The following GALNT2 variants were observed in gnomAD, a reference collection of about 807,000 sequenced individuals.
GALNT2 encodes the protein polypeptide N-acetylgalactosaminyltransferase 2.
A neutral mutation model predicts 81.4 loss-of-function variants in GALNT2; 31 were observed. That is an observed-to-expected ratio of 0.38 (90% CI 0.29 to 0.51). The LOEUF is 0.51. Ranked by LOEUF, GALNT2 falls within the 20% of genes least tolerant of loss-of-function variation. GALNT2 has a pLI of 0.87. For missense variants in GALNT2, 629 were observed against 765.7 expected (o/e 0.82, Z 2.11); for synonymous variants, 303 against 287.4 (o/e 1.05, Z -0.55).
At chr1:230,109,268 T>C (rs56230791) in intron 1 of GALNT2, among the ~76,000 whole-genome samples, 65,211 of 151,738 alleles carry the variant, frequency 0.43, 14,006 homozygotes, top group South Asian at 0.53. Flanking sequence ...TGCAGGGAGG[T>C]GCGGGGTGGG....
At chr1:230,139,204 A>G (rs1429019733) in intron 1 of GALNT2, among the ~76,000 whole-genome samples, 1 of 152,204 alleles carries the variant, frequency 6.6e-6, no homozygotes, top group Non-Finnish European at 1.5e-5. Context: ...TTTGAAAGGT[A>G]TCTAATAATC....
chr1:230,148,676 C>A (rs182970095), intron 1 of GALNT2, among the ~76,000 whole-genome samples: 2 of 152,072 alleles, frequency 1.3e-5, no homozygotes, highest in Non-Finnish European at 2.9e-5. Flanking sequence ...GCCTTGATGT[C>A]CCTGGGCTCA....
In GALNT2 at chr1:230,281,967, G is replaced by GT. The variant is rs1170183611; in HGVS notation, c.*2510dup. 3 of 152,264 alleles carry GT rather than the reference G, an allele frequency of 2.0e-5. No individual in the cohort carries two copies. Among genetic ancestry groups the GT allele is most frequent in the African/African-American group, 7.2e-5 (3 of 41,422 alleles). The allele number at this position is 152,264 out of a possible 1,614,324, so 9.4% of individuals were successfully genotyped here. Reference sequence around the variant, plus strand: ...AAAGCTCAGATGATGGTATCTGTGAGTATGTTTTGCAAATTCAAAATATAG... The same window carrying GT: ...AAAGCTCAGATGATGGTATCTGTGAGTTATGTTTTGCAAATTCAAAATATAG... On this transcript the variant is annotated 3_prime_UTR_variant, in exon 16 of 16. Coordinates refer to ENST00000366672, the MANE Select transcript of GALNT2 (RefSeq NM_004481.5).
intron 1 of GALNT2, among the ~76,000 whole-genome samples, chr1:230,108,140 G>T (rs982597339): frequency 1.3e-5 from 2 of 152,218 alleles, no homozygotes; most frequent in African/African-American, 4.8e-5. Flanking sequence ...CTTGCACCCT[G>T]AGCCACGTGG....
chr1:230,181,456 T>C (rs537296154), intron 2 of GALNT2, among the ~76,000 whole-genome samples: 1 of 152,258 alleles, frequency 6.6e-6, no homozygotes, highest in African/African-American at 2.4e-5. Context: ...TTGATCATGG[T>C]GTATAATTCT....
At chr1:230,076,129 A>G (rs1659547444) in intron 1 of GALNT2, among the ~76,000 whole-genome samples, 1 of 152,218 alleles carries the variant, frequency 6.6e-6, no homozygotes, top group African/African-American at 2.4e-5. Flanking sequence ...GTGTACTCTC[A>G]TAATCGCTTC....
intron 2 of GALNT2, among the ~76,000 whole-genome samples, chr1:230,180,053 G>A (rs968196996): frequency 1.3e-5 from 2 of 152,092 alleles, no homozygotes; most frequent in African/African-American, 4.8e-5. Flanking sequence ...CCAGTAGCTG[G>A]GATTACAGGC....
chr1:230,228,601 A>G (rs529120945), intron 3 of GALNT2, among the ~76,000 whole-genome samples: 52 of 152,240 alleles, frequency 3.4e-4, no homozygotes, highest in African/African-American at 1.3e-3. Context: ...CTATATATGA[A>G]GGATAGCATG....
Position 230,266,599 on chromosome 1 carries a change from C to G in GALNT2, c.1440+1232C>G, listed in dbSNP as rs535995817. Among the ~76,000 whole-genome samples the G allele has an allele frequency of 1.3e-4, 20 of 152,322 alleles. No individual in the cohort carries two copies. The South Asian group carries it at 3.3e-3, about 25-fold the overall frequency. The stretch of plus-strand genomic sequence containing the variant: ...CTGCAATCCACAAATACCTTGACTC[C>G]TTTCTTCACTTGGTGATGTGGTTTT... On this transcript the variant is annotated intron_variant, in intron 14 of 15. Coordinates refer to ENST00000366672, the MANE Select transcript of GALNT2 (RefSeq NM_004481.5).
intron 13 of GALNT2, chr1:230,264,465 G>A (rs1465856753): frequency 6.6e-6 from 1 of 152,246 alleles, no homozygotes; most frequent in Admixed American, 6.5e-5. Context: ...CGCACCCACT[G>A]AAGACCACAT....
chr1:230,145,682 C>T (rs1661893403), intron 1 of GALNT2, among the ~76,000 whole-genome samples: 2 of 152,222 alleles, frequency 1.3e-5, no homozygotes, highest in African/African-American at 4.8e-5. Context: ...GGGGGCCTTG[C>T]CCCGTGTGGT....
chr1:230,207,111 C>A (rs983883840), intron 3 of GALNT2, among the ~76,000 whole-genome samples: 3 of 151,958 alleles, frequency 2.0e-5, no homozygotes, highest in Non-Finnish European at 2.9e-5. Context: ...TATTCAGACA[C>A]CTCCGGGCAC....
chr1:230,127,794 G>A lies in GALNT2; in HGVS notation c.127-50424G>A, dbSNP rs191012690. On this transcript the variant is annotated intron_variant, in intron 1 of 15. Transcript: ENST00000366672. ...AGTTCATCAGAACACTCCTGGGTGC[G>A]TGAACTCTTTTGAGGTGTGAATTGT... Among the ~76,000 whole-genome samples the A allele has an allele frequency of 8.5e-5, 13 of 152,196 alleles. No individual in the cohort carries two copies. In the East Asian group the frequency reaches 2.3e-3, roughly 27 times the overall value.
rs1051477181 is a variant in GALNT2, at chr1:230,237,615, A to G, written c.607+890A>G. On this transcript the variant is annotated intron_variant, in intron 6 of 15. Transcript: ENST00000366672. ...CAGTGATTGAGCCTGTTAGAACAGC[A>G]TCATATTTTAACCAACTAGGGTCAT... Among the ~76,000 whole-genome samples the G allele has an allele frequency of 1.7e-4, 26 of 152,196 alleles. 1 individual carries two copies. The highest frequency in any genetic ancestry group is 6.2e-4 in the South Asian group (3 of 4,830).
At chr1:230,251,800 A>C (rs890573619) in intron 10 of GALNT2, among the ~76,000 whole-genome samples, 1 of 152,168 alleles carries the variant, frequency 6.6e-6, no homozygotes, top group East Asian at 1.9e-4. Flanking sequence ...AGAAGTTTGC[A>C]TACTATTAGC....
intron 1 of GALNT2, among the ~76,000 whole-genome samples, chr1:230,105,890 C>G (rs116907532): frequency 6.6e-6 from 1 of 151,980 alleles, no homozygotes; most frequent in African/African-American, 2.4e-5. Flanking sequence ...CCAGATCCAG[C>G]GCTGTATCTG....
At chr1:230,104,903 C>G (rs1407385805) in intron 1 of GALNT2, among the ~76,000 whole-genome samples, 3 of 152,222 alleles carry the variant, frequency 2.0e-5, no homozygotes, top group African/African-American at 4.8e-5. Context: ...TCCCCCCGTT[C>G]TAAGCGTAGG....
intron 1 of GALNT2, among the ~76,000 whole-genome samples, chr1:230,085,622 T>A (rs1328875297): frequency 6.6e-6 from 1 of 152,176 alleles, no homozygotes; most frequent in African/African-American, 2.4e-5. Context: ...TCTGGCATGA[T>A]CCAGTTCATC....
At chr1:230,227,471 A>G (rs1664748429) in intron 3 of GALNT2, among the ~76,000 whole-genome samples, 1 of 150,132 alleles carries the variant, frequency 6.7e-6, no homozygotes, top group Admixed American at 6.7e-5. Flanking sequence ...CTATATATAT[A>G]TATGCTATAT....
Sources: allele counts gnomAD v4.1 joint callset (sites outside exome capture counted in the v4.1 genomes callset), GRCh38; gene constraint gnomAD v4.1.1; transcripts MANE v1.5; gene names NCBI Gene and HGNC (gene_info 2026-07-23, HGNC 2026-07-21).